The following PRELID2 variants were observed in gnomAD, a reference collection of about 807,000 sequenced individuals.
PRELID2 encodes PRELI domain containing 2, also known as PRELI domain-containing protein 2.
PRELID2 carries 25 observed loss-of-function variants against 28.4 expected under a neutral mutation model. That is an observed-to-expected ratio of 0.88 (90% confidence interval 0.64 to 1.23). The LOEUF is 1.23. Among genes scored for constraint, PRELID2 ranks in the 50% most tolerant of loss-of-function variants. The pLI, the probability that PRELID2 is intolerant of heterozygous loss-of-function variation, is 0.00. For synonymous variants in PRELID2, 76 were observed against 71.6 expected, an observed-to-expected ratio of 1.06 and a Z score of -0.31; for missense variants, 201 against 214.4, an observed-to-expected ratio of 0.94 and a Z score of 0.39.
chr5:145,356,722 T>A, the PRELID2 span, among the ~76,000 whole-genome samples: 4 of 152,222 alleles, frequency 2.6e-5, no homozygotes, highest in Non-Finnish European at 5.9e-5. Context: ...TCTTTGCCAC[T>A]CTGTGCCTTT....
chr5:145,666,755 G>T (rs1181071961), intron 1 of PRELID2, among the ~76,000 whole-genome samples: 15 of 152,068 alleles, frequency 9.9e-5, no homozygotes, highest in Admixed American at 2.6e-4. Flanking sequence ...GGTGCAGCTT[G>T]CAGAGACAAG....
the PRELID2 span, among the ~76,000 whole-genome samples, chr5:145,372,858 T>A: frequency 7.4e-6 from 1 of 135,508 alleles, no homozygotes; most frequent in Admixed American, 8.5e-5. Context: ...TATATATTAT[T>A]ATTATATTAA....
chr5:145,747,153 G>T (rs940903049), intron 1 of PRELID2, among the ~76,000 whole-genome samples: 2 of 151,186 alleles, frequency 1.3e-5, no homozygotes, highest in Non-Finnish European at 2.9e-5. Context: ...TAATCCAAAA[G>T]CTAGCAGAAG....
intron 1 of PRELID2, among the ~76,000 whole-genome samples, chr5:145,642,243 A>G (rs1754119633): frequency 6.6e-6 from 1 of 151,970 alleles, no homozygotes; most frequent in South Asian, 2.1e-4. Context: ...TGTGGTTTTG[A>G]TTTGCGTTTC....
At position 145,661,740 on chromosome 5, in the gene PRELID2, G is replaced by C. The variant is rs956259339; in HGVS notation, n.70+103191C>G. On this transcript the variant is annotated intron_variant and non_coding_transcript_variant, in intron 1 of 2. Transcript: ENST00000510259. Reference sequence around the variant, plus strand: ...AGAAGGGAAAATACATTAGCCGCCTGAGAATAAGTTATTCTAAACAGCATG... The same window carrying C: ...AGAAGGGAAAATACATTAGCCGCCTCAGAATAAGTTATTCTAAACAGCATG... 4.6e-4 allele frequency among the ~76,000 whole-genome samples: 69 copies of C among 151,078 alleles called. 1 individual carries two copies. Among genetic ancestry groups the C allele is most frequent in the Non-Finnish European group, 5.7e-4 (39 of 67,888 alleles).
At chr5:145,614,837 T>C (rs59039911) in intron 1 of PRELID2, among the ~76,000 whole-genome samples, 10,342 of 152,270 alleles carry the variant, frequency 0.068, 550 homozygotes, top group Admixed American at 0.18. Flanking sequence ...TCTTGTCTGG[T>C]TGCTCTGGCT....
downstream of PRELID2, among the ~76,000 whole-genome samples, chr5:145,469,004 A>G (rs1463860807): frequency 1.3e-5 from 2 of 151,944 alleles, no homozygotes; most frequent in Non-Finnish European, 2.9e-5. Context: ...TTTTAAGTTA[A>G]TTTATTTTTA....
the PRELID2 span, among the ~76,000 whole-genome samples, chr5:145,343,482 AC>A: frequency 5.8e-4 from 88 of 151,984 alleles, no homozygotes; most frequent in African/African-American, 1.9e-3. Context: ...TGAAAAAAAA[AC>A]ATAACATGTC....
chr5:145,390,960 A>G, the PRELID2 span, among the ~76,000 whole-genome samples: 6 of 152,254 alleles, frequency 3.9e-5, no homozygotes, highest in East Asian at 1.2e-3. Context: ...TCCCAAAATA[A>G]TCTCCATTGA....
At chr5:145,371,099 C>T in the PRELID2 span, among the ~76,000 whole-genome samples, 16 of 152,136 alleles carry the variant, frequency 1.1e-4, no homozygotes, top group East Asian at 5.8e-4. Context: ...TCTGAATACC[C>T]TTTATTTCTT....
the PRELID2 span, among the ~76,000 whole-genome samples, chr5:145,447,079 A>AAATAAATAAAT: frequency 7.1e-4 from 108 of 151,140 alleles, no homozygotes; most frequent in African/African-American, 2.4e-3. Context: ...ATAAATAAAT[A>AAATAAATAAAT]AATAAAAATT....
chr5:145,236,637 A>T, the PRELID2 span, among the ~76,000 whole-genome samples: 3 of 152,074 alleles, frequency 2.0e-5, no homozygotes, highest in Non-Finnish European at 2.9e-5. Flanking sequence ...CAACCTACCC[A>T]GAGATGTCTG....
chr5:145,250,702 T>C, the PRELID2 span, among the ~76,000 whole-genome samples: 1 of 152,142 alleles, frequency 6.6e-6, no homozygotes, highest in Non-Finnish European at 1.5e-5. Flanking sequence ...AGCAATTAGG[T>C]AATGACATTG....
intron 1 of PRELID2, among the ~76,000 whole-genome samples, chr5:145,573,005 A>C (rs1753027938): frequency 6.6e-6 from 1 of 152,156 alleles, no homozygotes; most frequent in Non-Finnish European, 1.5e-5. Context: ...TTGCTCAAGT[A>C]TACATAGCCC....
chr5:145,630,604 A>G (rs889273554), intron 1 of PRELID2, among the ~76,000 whole-genome samples: 1 of 152,188 alleles, frequency 6.6e-6, no homozygotes. Context: ...GTTAGCCAAG[A>G]TAAGAAAAGC....
chr5:145,808,701 C>G (rs565216628), intron 4 of PRELID2, among the ~76,000 whole-genome samples: 7 of 151,812 alleles, frequency 4.6e-5, no homozygotes, highest in Non-Finnish European at 8.8e-5. Context: ...CTGGACAACA[C>G]AGTGACACCC....
chr5:145,347,578 G>C, the PRELID2 span, among the ~76,000 whole-genome samples: 1 of 152,060 alleles, frequency 6.6e-6, no homozygotes, highest in Non-Finnish European at 1.5e-5. Context: ...TATTATCCAT[G>C]GAGTTTTCTT....
At chr5:145,425,264 G>A in the PRELID2 span, among the ~76,000 whole-genome samples, 2 of 152,074 alleles carry the variant, frequency 1.3e-5, no homozygotes, top group Non-Finnish European at 2.9e-5. Context: ...ATAACATGCT[G>A]GTTAGGTTGT....
chr5:145,392,730 A>AAAGG, the PRELID2 span, among the ~76,000 whole-genome samples: 16 of 151,934 alleles, frequency 1.1e-4, no homozygotes, highest in Middle Eastern at 3.4e-3. Context: ...AAGAAGGAAG[A>AAAGG]AAGGAAGGAA....
Sources: allele counts gnomAD v4.1 joint callset (sites outside exome capture counted in the v4.1 genomes callset), GRCh38; gene constraint gnomAD v4.1.1; transcripts MANE v1.5; gene names NCBI Gene and HGNC (gene_info 2026-07-23, HGNC 2026-07-21).